Variants in DNAH11 observed in about 807,000 individuals in gnomAD.
The protein encoded by DNAH11 is dynein axonemal heavy chain 11, also known as axonemal beta dynein heavy chain 11.
In DNAH11, 442 loss-of-function variants were observed where a neutral mutation model predicts 526.0. That is an observed-to-expected ratio of 0.84 (90% CI 0.78 to 0.91). The LOEUF (loss-of-function observed/expected upper bound fraction) is 0.91, where lower values mean the gene tolerates loss of function less well. Among genes scored for constraint, DNAH11 ranks in the 40% least tolerant of loss-of-function variants. The pLI, the probability that DNAH11 is intolerant of heterozygous loss-of-function variation, is 0.00. For missense variants in DNAH11, 6,989 were observed against 5,448.7 expected (o/e 1.28, Z -8.90); for synonymous variants, 2,461 against 1,935.9 (o/e 1.27, Z -7.12).
At chr7:21,892,333 C>T (rs1487714561) in intron 76 of DNAH11, 92 bp from the exon 77 acceptor site, 1 of 1,513,692 alleles carries the variant, frequency 6.6e-7, no homozygotes, top group Non-Finnish European at 8.8e-7. Context: ...TGTGCTGGAG[C>T]CTTCTTGTCA....
At chr7:21,731,545 A>T (rs1407614810) in intron 45 of DNAH11, among the ~76,000 whole-genome samples, 2 of 152,242 alleles carry the variant, frequency 1.3e-5, no homozygotes, top group East Asian at 3.8e-4. Context: ...AACGTACAGA[A>T]TAATCTCTAT....
intron 42 of DNAH11, among the ~76,000 whole-genome samples, chr7:21,717,131 A>G (rs906141067): frequency 6.6e-6 from 1 of 152,084 alleles, no homozygotes; most frequent in Admixed American, 6.6e-5. Flanking sequence ...TGTTTTACTG[A>G]TAAGTATTAT....
chr7:21,725,795 C>G lies in DNAH11; in HGVS notation c.7267-16C>G. The G allele has an allele frequency of 1.2e-6, 2 of 1,601,174 alleles. No individual in the cohort carries two copies. The highest frequency in any genetic ancestry group is 1.7e-6 in the Non-Finnish European group (2 of 1,173,236). On this transcript the variant is annotated splice_polypyrimidine_tract_variant and intron_variant, in intron 44 of 81. Coordinates refer to ENST00000409508, the MANE Select transcript of DNAH11 (RefSeq NM_001277115.2). ...TACTTTGAGTCTGCAATAAGGATTTCTTTTGTTCTCCTTAGATTTCTGATT... is the reference window on the plus strand; with the variant it reads ...TACTTTGAGTCTGCAATAAGGATTTGTTTTGTTCTCCTTAGATTTCTGATT...
At chr7:21,758,421 C>T (rs965864650) in intron 54 of DNAH11, among the ~76,000 whole-genome samples, 1 of 152,116 alleles carries the variant, frequency 6.6e-6, no homozygotes, top group African/African-American at 2.4e-5. Flanking sequence ...TGTATATTTA[C>T]TCATTCATGT....
intron 46 of DNAH11, among the ~76,000 whole-genome samples, chr7:21,737,963 T>C (rs974069351): frequency 6.6e-6 from 1 of 152,198 alleles, no homozygotes; most frequent in Admixed American, 6.5e-5. Context: ...CATTCATTCA[T>C]TTATTTGTTT....
At chr7:21,675,283 C>T (rs913725488) in intron 30 of DNAH11, among the ~76,000 whole-genome samples, 20 of 152,212 alleles carry the variant, frequency 1.3e-4, no homozygotes, top group Non-Finnish European at 2.6e-4. Context: ...CCACTCCTGC[C>T]ATGGGTGACC....
At chr7:21,693,436 T>C (rs1308495829) in intron 35 of DNAH11, among the ~76,000 whole-genome samples, 2 of 152,212 alleles carry the variant, frequency 1.3e-5, no homozygotes, top group Non-Finnish European at 2.9e-5. Context: ...ACACTGTCCT[T>C]GTAAAATTTT....
intron 22 of DNAH11, 105 bp from the exon 23 acceptor site, chr7:21,617,514 C>A: frequency 7.4e-7 from 1 of 1,342,460 alleles, no homozygotes; most frequent in Non-Finnish European, 1.0e-6. Flanking sequence ...TGCTTTCACT[C>A]TTTTCTAATC....
chr7:21,613,905 C>CTA (rs1785646182), intron 20 of DNAH11, among the ~76,000 whole-genome samples: 1 of 151,466 alleles, frequency 6.6e-6, no homozygotes, highest in Non-Finnish European at 1.5e-5. Context: ...GTAACTGGGA[C>CTA]TATAGGCACA....
intron 65 of DNAH11, among the ~76,000 whole-genome samples, chr7:21,825,137 C>G (rs987748727): frequency 1.9e-4 from 29 of 152,184 alleles, no homozygotes; most frequent in African/African-American, 6.8e-4. Context: ...TCCTAAAGTG[C>G]TGAGATTACA....
chr7:21,568,735 A>G (rs187257013), intron 6 of DNAH11, among the ~76,000 whole-genome samples: 60 of 152,316 alleles, frequency 3.9e-4, no homozygotes, highest in Middle Eastern at 3.4e-3. Context: ...CATACAAGTA[A>G]TTAGGTAACA....
intron 25 of DNAH11, among the ~76,000 whole-genome samples, chr7:21,625,333 T>A (rs528116072): frequency 1.3e-5 from 2 of 152,168 alleles, no homozygotes; most frequent in Non-Finnish European, 2.9e-5. Flanking sequence ...CTTATGATCC[T>A]TTGTATTTCT....
chr7:21,579,999 G>A (rs1784251967), intron 8 of DNAH11, among the ~76,000 whole-genome samples: 1 of 152,126 alleles, frequency 6.6e-6, no homozygotes, highest in South Asian at 2.1e-4. Flanking sequence ...TTCTATTAGG[G>A]TGTATAAAAA....
At position 21,779,037 on chromosome 7, in the gene DNAH11, C is replaced by G; in HGVS notation, c.9416C>G (p.Thr3139Arg). Residue 3139 changes from threonine (T) to arginine (R), a missense_variant, in exon 57 of 82, where the codon ACA (threonine) becomes AGA (arginine). Transcript: ENST00000409508. ...LRNHDAEALI[T>R]KIGLQTEKVS... ...AATCATGATGCCGAAGCTCTGATCA[C>G]AAAGATCGGCCTTCAGACGGAGAAA... The G allele has an allele frequency of 1.2e-6, 2 of 1,613,476 alleles. No individual in the cohort carries two copies. Among genetic ancestry groups the G allele is most frequent in the Non-Finnish European group, 1.7e-6 (2 of 1,179,612 alleles).
intron 54 of DNAH11, among the ~76,000 whole-genome samples, chr7:21,764,402 G>T (rs1342106442): frequency 6.6e-6 from 1 of 152,156 alleles, no homozygotes; most frequent in Non-Finnish European, 1.5e-5. Flanking sequence ...ATCTCAAAGT[G>T]TTAGAGACTT....
Position 21,751,564 on chromosome 7 carries a change from T to C in DNAH11, c.8940+1200T>C, listed in dbSNP as rs138187937. Among the ~76,000 whole-genome samples, 348 of 152,286 alleles carry C rather than the reference T, an allele frequency of 2.3e-3. 3 individuals are homozygous for C. Among genetic ancestry groups the C allele is most frequent in the Non-Finnish European group, 2.3e-3 (154 of 68,004 alleles). ...ATGGAAACTAGGAAAGCTGCTACTT[T>C]ACTGTTGCTTCTCATATTGTTATGC... On this transcript the variant is annotated intron_variant, in intron 54 of 81. Coordinates refer to ENST00000409508, the MANE Select transcript of DNAH11 (RefSeq NM_001277115.2).
intron 2 of DNAH11, among the ~76,000 whole-genome samples, chr7:21,550,467 C>G (rs999472311): frequency 1.3e-5 from 2 of 152,144 alleles, no homozygotes; most frequent in African/African-American, 4.8e-5. Flanking sequence ...AATATAGGAT[C>G]TCATATAATA....
At chr7:21,887,346 T>G (rs1213725189) in intron 76 of DNAH11, among the ~76,000 whole-genome samples, 4 of 152,182 alleles carry the variant, frequency 2.6e-5, no homozygotes, top group African/African-American at 9.7e-5. Flanking sequence ...AAGCATGTAT[T>G]TGGCAGCGTT....
intron 73 of DNAH11, among the ~76,000 whole-genome samples, chr7:21,872,225 G>C (rs1783530954): frequency 6.7e-6 from 1 of 149,848 alleles, no homozygotes; most frequent in Admixed American, 6.7e-5. Flanking sequence ...ATTATGAGAT[G>C]CTGGGGGTTA....
Sources: gnomAD v4.1 joint callset for allele counts (sites outside exome capture counted in the v4.1 genomes callset) on GRCh38, gnomAD v4.1.1 for gene constraint, MANE v1.5 for transcripts, NCBI Gene and HGNC (gene_info 2026-07-23, HGNC 2026-07-21) for gene names.